MCF2L2: variants seen among roughly 807,000 people sequenced by gnomAD.
MCF2L2 encodes MCF.2 cell line derived transforming sequence-like 2.
A neutral mutation model predicts 150.2 loss-of-function variants in MCF2L2; 102 were observed. That is an observed-to-expected ratio of 0.68 (90% CI 0.58 to 0.80). The LOEUF is 0.80. MCF2L2 is among the 30% of genes least tolerant of loss of function. The probability of loss-of-function intolerance (pLI) is 0.00; values close to 1 mark genes in which losing one functional copy is unlikely to be tolerated. For synonymous variants in MCF2L2, 465 were observed against 491.3 expected (o/e 0.95, Z 0.71); for missense variants, 1,256 against 1,372.8 (o/e 0.91, Z 1.34).
At position 183,179,318 on chromosome 3, in the gene MCF2L2, C is replaced by T; in HGVS notation, c.*62G>A. 7.2e-7 allele frequency: 1 copy of T among 1,383,776 alleles called. No individual in the cohort carries two copies. 85.7% of individuals were successfully genotyped at this position (1,383,776 alleles called of 1,614,324 possible). On this transcript the variant is annotated 3_prime_UTR_variant, in exon 30 of 30. Coordinates refer to ENST00000328913, the MANE Select transcript of MCF2L2 (RefSeq NM_015078.4). The surrounding 1 kb of genome is among the most constrained non-coding windows in gnomAD (Gnocchi z 4.2). The stretch of plus-strand genomic sequence containing the variant: ...TAGCTGGGCAGGGCCCGGGCCCCCA[C>T]ACCGCCTCTCCCGGGAATGCGGGCG...
chr3:183,243,570 T>C (rs1724125117), intron 15 of MCF2L2, among the ~76,000 whole-genome samples: 1 of 152,158 alleles, frequency 6.6e-6, no homozygotes, highest in African/African-American at 2.4e-5. Context: ...AATCCCTAAG[T>C]TCATGGTTTT....
chr3:183,262,992 G>A lies in MCF2L2; in HGVS notation c.1862+13880C>T, dbSNP rs1234249007. On this transcript the variant is annotated intron_variant, in intron 15 of 29. Transcript: ENST00000328913. ...TGTCCAATGATTCTGCATCTGAAACGGGGGAGGTGTGTGAGGAAGAAAGGT... is the reference window on the plus strand; with the variant it reads ...TGTCCAATGATTCTGCATCTGAAACAGGGGAGGTGTGTGAGGAAGAAAGGT... Among the ~76,000 whole-genome samples the A allele has an allele frequency of 2.0e-5, 3 of 152,152 alleles. No homozygotes were observed. In the East Asian group the frequency reaches 5.8e-4, roughly 29 times the overall value.
Position 183,223,451 on chromosome 3 carries a change from A to G in MCF2L2, c.2209-13T>C, listed in dbSNP as rs773372255. ...GGCGCTGGCATACCTTTAAAAGCCA[A>G]ATAGAAACAACATAAAGCAAAACAA... On this transcript the variant is annotated splice_polypyrimidine_tract_variant and intron_variant, in intron 19 of 29. Transcript: ENST00000328913. The G allele has an allele frequency of 6.3e-7, 1 of 1,592,578 alleles. No homozygotes were observed. The highest frequency in any genetic ancestry group is 2.2e-5 in the East Asian group (1 of 44,780).
chr3:183,397,670 G>T (rs556048941), intron 1 of MCF2L2, among the ~76,000 whole-genome samples: 11 of 137,820 alleles, frequency 8.0e-5, no homozygotes, highest in Non-Finnish European at 1.8e-4. Context: ...AGTGTAGGCA[G>T]ATTATCTATG....
Position 183,338,434 on chromosome 3 carries a change from C to T in MCF2L2, c.486+366G>A, listed in dbSNP as rs570798694. ...TGTACTCCAGCCTGGGTGACAGGAG[C>T]GAAACTCTATCTCAAAAAAAAAAAA... On this transcript the variant is annotated intron_variant, in intron 5 of 29. Coordinates refer to ENST00000328913, the MANE Select transcript of MCF2L2 (RefSeq NM_015078.4). Among the ~76,000 whole-genome samples the T allele has an allele frequency of 7.7e-5, 10 of 130,694 alleles. No individual in the cohort carries two copies. The South Asian group carries it at 1.9e-3, about 25-fold the overall frequency. The allele number at this position is 130,694 out of a possible 152,430, so 85.7% of individuals were successfully genotyped here. A position where few individuals can be genotyped will look rare whatever the true frequency, so the allele number is the denominator to read the frequency against.
intron 1 of MCF2L2, among the ~76,000 whole-genome samples, chr3:183,400,990 A>C (rs1053075612): frequency 2.0e-5 from 3 of 152,148 alleles, no homozygotes; most frequent in African/African-American, 7.2e-5. Flanking sequence ...GGCACCTTAA[A>C]TTGACACGGC....
chr3:183,241,238 A>G (rs1185239077), intron 15 of MCF2L2, among the ~76,000 whole-genome samples: 1 of 152,210 alleles, frequency 6.6e-6, no homozygotes. Flanking sequence ...TTTTTTAAAA[A>G]GTAAGGGGGA....
chr3:183,180,145 C>T lies in MCF2L2; in HGVS notation c.3031G>A (p.Glu1011Lys), dbSNP rs1261668249. The stretch of plus-strand genomic sequence containing the variant: ...TCAAAGGTGTCCATGGAGCTAAACT[C>T]CCTGCTGGAGCAGCCTTAGGGAGAG... Reference protein sequence around the residue: ...TGGIKGCSSREFSSMDTFEDC... With the variant: ...TGGIKGCSSRKFSSMDTFEDC... Residue 1011 changes from glutamate (E) to lysine (K), a missense_variant, in exon 28 of 30, where the codon GAG (glutamate) becomes AAG (lysine). Physicochemically the swap from Glu to Lys is moderately conservative, Grantham distance 56. Coordinates refer to ENST00000328913, the MANE Select transcript of MCF2L2 (RefSeq NM_015078.4). The T allele has an allele frequency of 1.9e-6, 3 of 1,613,374 alleles. No homozygotes were observed. Among genetic ancestry groups the T allele is most frequent in the Non-Finnish European group, 2.5e-6 (3 of 1,179,556 alleles).
chr3:183,298,475 C>T (rs1388725803), intron 11 of MCF2L2: 1 of 152,068 alleles, frequency 6.6e-6, no homozygotes, highest in Non-Finnish European at 1.5e-5. Context: ...ATATGTACCA[C>T]ATTTAGAATA....
chr3:183,233,147 T>A (rs1299729749), intron 15 of MCF2L2, among the ~76,000 whole-genome samples: 2 of 152,058 alleles, frequency 1.3e-5, no homozygotes, highest in Non-Finnish European at 2.9e-5. Context: ...GGCCAGGAAA[T>A]CGAGACCAGC....
At position 183,309,826 on chromosome 3, in the gene MCF2L2, C is replaced by A. The variant is rs1453987805; in HGVS notation, c.1003G>T (p.Ala335Ser). Residue 335 changes from alanine (A) to serine (S), a missense_variant, in exon 10 of 30, where the codon GCC becomes TCC. Coordinates refer to ENST00000328913, the MANE Select transcript of MCF2L2 (RefSeq NM_015078.4). ...TGCTCTTCCAGCAAATTATCCAGGG[C>A]AAGCTTAGCCTACAAGAAACATTAG... ...FEHDFCKAKLALDNLLEEQAE... is the reference protein window; with the variant it reads ...FEHDFCKAKLSLDNLLEEQAE... The A allele has an allele frequency of 6.2e-7, 1 of 1,613,766 alleles. No homozygotes were observed. The highest frequency in any genetic ancestry group is 2.2e-5 in the East Asian group (1 of 44,854).
In MCF2L2 at chr3:183,228,195, A is replaced by T. The variant is rs6803113; in HGVS notation, c.2115+102T>A. ...AAAGCTTGGAGTCGGAGGGAAGCAG[A>T]TATGTTTTTAGACCATTGATGTTTC... On this transcript the variant is annotated intron_variant, in intron 18 of 29. Coordinates refer to ENST00000328913, the MANE Select transcript of MCF2L2 (RefSeq NM_015078.4). 6.0e-3 allele frequency: 4,852 copies of T among 805,620 alleles called. 150 individuals are homozygous for T. In the African/African-American group the frequency reaches 0.071, roughly 12 times the overall value. 49.9% of individuals were successfully genotyped at this position (805,620 alleles called of 1,614,324 possible). A position where few individuals can be genotyped will look rare whatever the true frequency, so the allele number is the denominator to read the frequency against.
chr3:183,353,625 A>G (rs1577085023), intron 3 of MCF2L2, among the ~76,000 whole-genome samples: 2 of 152,060 alleles, frequency 1.3e-5, no homozygotes, highest in East Asian at 3.9e-4. Context: ...GTGCCACACA[A>G]TTTTAAACAA....
At chr3:183,281,728 G>A (rs1727493852) in intron 14 of MCF2L2, among the ~76,000 whole-genome samples, 1 of 152,080 alleles carries the variant, frequency 6.6e-6, no homozygotes, top group South Asian at 2.1e-4. Context: ...AGGAGAGGAA[G>A]GTTTTAGGAC....
chr3:183,356,507 G>A lies in MCF2L2; in HGVS notation c.276-14877C>T, dbSNP rs565178229. 2.4e-4 allele frequency among the ~76,000 whole-genome samples: 37 copies of A among 152,110 alleles called. No homozygotes were observed. In the South Asian group the frequency reaches 3.9e-3, roughly 16 times the overall value. On this transcript the variant is annotated intron_variant, in intron 3 of 29. Coordinates refer to ENST00000328913, the MANE Select transcript of MCF2L2 (RefSeq NM_015078.4). ...CAGCCTGGCAACAGAGCAAGACTCCGTCTCAAAATAAATAAATAAATAAAA... is the reference window on the plus strand; with the variant it reads ...CAGCCTGGCAACAGAGCAAGACTCCATCTCAAAATAAATAAATAAATAAAA...
chr3:183,206,113 G>T lies in MCF2L2; in HGVS notation c.2805+9C>A. The T allele has an allele frequency of 6.2e-7, 1 of 1,612,756 alleles. No homozygotes were observed. The highest frequency in any genetic ancestry group is 1.1e-5 in the South Asian group (1 of 91,034). On this transcript the variant is annotated intron_variant, in intron 24 of 29. Coordinates refer to ENST00000328913, the MANE Select transcript of MCF2L2 (RefSeq NM_015078.4). ...TAGAGGAGACCCATGGGGAAGGCAT[G>T]AGCGTTACCTGCAGGATGTATTTCT...
chr3:183,239,540 C>T (rs1576949539), intron 15 of MCF2L2, among the ~76,000 whole-genome samples: 1 of 152,220 alleles, frequency 6.6e-6, no homozygotes, highest in Admixed American at 6.5e-5. Context: ...GTTCATGTGC[C>T]CTCCTCTGCT....
rs1727601490 is a variant in MCF2L2 at position 183,283,213 on chromosome 3, T to C, written c.1776+5907A>G. On this transcript the variant is annotated intron_variant, in intron 14 of 29. Coordinates refer to ENST00000328913, the MANE Select transcript of MCF2L2 (RefSeq NM_015078.4). This position sits in a 1 kb window ranked among gnomAD's most constrained non-coding sequence, Gnocchi z 4.2. ...GATTTCTGCTCACCTCTTTTTGCCA[T>C]AGCTATTAGTAAGCTCTCACCACTG... Among the ~76,000 whole-genome samples the C allele has an allele frequency of 6.6e-6, 1 of 152,224 alleles. No individual in the cohort carries two copies. Among genetic ancestry groups the C allele is most frequent in the African/African-American group, 2.4e-5 (1 of 41,460 alleles).
At chr3:183,180,920 C>A (rs980858564) in intron 27 of MCF2L2, among the ~76,000 whole-genome samples, 2 of 152,246 alleles carry the variant, frequency 1.3e-5, no homozygotes, top group South Asian at 2.1e-4. Context: ...TCTTTACCCT[C>A]GCTCTGAGTG....
Sources: allele counts gnomAD v4.1 joint callset (sites outside exome capture counted in the v4.1 genomes callset), GRCh38; gene constraint gnomAD v4.1.1; non-coding constraint Gnocchi (gnomAD v3.1); transcripts MANE v1.5; gene names NCBI Gene and HGNC (gene_info 2026-07-23, HGNC 2026-07-21).